The following ZNF106 variants were observed in gnomAD, a reference collection of about 807,000 sequenced individuals.
The protein encoded by ZNF106 is SH3-domain binding protein 3.
ZNF106 carries 67 observed loss-of-function variants against 195.1 expected under a neutral mutation model. The ratio of observed to expected loss-of-function variants is 0.34; its 90% CI spans 0.28 to 0.42. The LOEUF (loss-of-function observed/expected upper bound fraction) is 0.42, where lower values mean the gene tolerates loss of function less well. ZNF106 is among the 10% of genes least tolerant of loss of function. The probability of loss-of-function intolerance (pLI) is 1.00; values close to 1 mark genes in which losing one functional copy is unlikely to be tolerated. For missense variants in ZNF106, 2,118 were observed against 2,304.5 expected (o/e 0.92, Z 1.66); for synonymous variants, 784 against 818.6 (o/e 0.96, Z 0.72).
rs531079496 is a variant in ZNF106, at chr15:42,450,976, T to C, written c.1296A>G (p.Ile432Met). ...NSPTQKTQKE[I>M]HTGSLNHKAS... is the part of the protein sequence containing the mutation. ...CCTTGTGATTAAGAGATCCAGTATG[T>C]ATTTCTTTTTGTGTTTTCTGTGTTG... Residue 432 changes from isoleucine (I) to methionine (M), a missense_variant, in exon 5 of 22, where the codon ATA becomes ATG. By Grantham distance (10) the Ile-to-Met change is conservative (BLOSUM62 1). Transcript: ENST00000564754. 7.4e-6 allele frequency: 12 copies of C among 1,614,194 alleles called. No homozygotes were observed. The African/African-American group carries it at 1.6e-4, about 22-fold the overall frequency.
intron 3 of ZNF106, among the ~76,000 whole-genome samples, chr15:42,461,033 G>A (rs978472620): frequency 2.6e-5 from 4 of 151,864 alleles, no homozygotes; most frequent in Admixed American, 2.6e-4. Context: ...GGGTAATATG[G>A]TTACCTCCAC....
chr15:42,464,176 C>G (rs2056459176), intron 3 of ZNF106, among the ~76,000 whole-genome samples: 1 of 151,868 alleles, frequency 6.6e-6, no homozygotes, highest in African/African-American at 2.4e-5. Context: ...CCCGTCTCTA[C>G]TAAAATTACT....
intron 1 of ZNF106, among the ~76,000 whole-genome samples, chr15:42,473,007 G>GAA (rs1168170005): frequency 1.7e-3 from 154 of 88,366 alleles, no homozygotes; most frequent in African/African-American, 5.2e-3. Flanking sequence ...CTCCAACTTT[G>GAA]AAAAAAAAAA....
intron 1 of ZNF106, among the ~76,000 whole-genome samples, chr15:42,481,520 G>A (rs549203537): frequency 1.3e-5 from 2 of 151,848 alleles, no homozygotes; most frequent in East Asian, 3.9e-4. Context: ...AATCATGCCT[G>A]GCTAATTTTT....
intron 14 of ZNF106, 27 bp downstream of exon 14, chr15:42,435,357 A>G (rs2055233424): frequency 6.2e-7 from 1 of 1,613,860 alleles, no homozygotes; most frequent in Non-Finnish European, 8.5e-7. Flanking sequence ...AATATGAACC[A>G]CTTTGGATTT....
intron 1 of ZNF106, among the ~76,000 whole-genome samples, chr15:42,488,190 C>T (rs758201780): frequency 6.6e-6 from 1 of 152,112 alleles, no homozygotes; most frequent in Non-Finnish European, 1.5e-5. Flanking sequence ...TCCATGGATG[C>T]AGAACCCATG....
intron 3 of ZNF106, among the ~76,000 whole-genome samples, chr15:42,462,594 G>A (rs533341526): frequency 1.5e-4 from 23 of 152,110 alleles, no homozygotes; most frequent in African/African-American, 4.8e-4. Flanking sequence ...GTGAAACTCC[G>A]TCTCAATAAA....
At chr15:42,487,231 T>C (rs981571216) in intron 1 of ZNF106, among the ~76,000 whole-genome samples, 1 of 151,228 alleles carries the variant, frequency 6.6e-6, no homozygotes, top group Admixed American at 6.6e-5. Flanking sequence ...CTTATAATCC[T>C]AGCACTTTGG....
chr15:42,464,818 A>C (rs144167776), intron 3 of ZNF106, among the ~76,000 whole-genome samples: 400 of 152,242 alleles, frequency 2.6e-3, no homozygotes, highest in Non-Finnish European at 4.8e-3. Flanking sequence ...GGTGGAGATA[A>C]CTGAATCATA....
At chr15:42,489,711 C>T (rs1322216556) in intron 1 of ZNF106, among the ~76,000 whole-genome samples, 1 of 152,198 alleles carries the variant, frequency 6.6e-6, no homozygotes, top group Non-Finnish European at 1.5e-5. Context: ...ATGCTATTTA[C>T]AACAGTACTA....
At chr15:42,462,137 CT>C (rs1278924767) in intron 3 of ZNF106, among the ~76,000 whole-genome samples, 1 of 152,070 alleles carries the variant, frequency 6.6e-6, no homozygotes, top group African/African-American at 2.4e-5. Context: ...CTTTTAGTGC[CT>C]TTTTCCTAAT....
At chr15:42,458,566 G>T (rs916347878) in intron 3 of ZNF106, among the ~76,000 whole-genome samples, 2 of 151,980 alleles carry the variant, frequency 1.3e-5, no homozygotes, top group African/African-American at 4.8e-5. Flanking sequence ...AAATTAGCCT[G>T]GTGTGGTGGT....
In ZNF106 at chr15:42,424,954, T is replaced by C. The variant is rs919140147; in HGVS notation, c.5070A>G (p.Glu1690=). The change falls in exon 16 of 22, where the codon GAA becomes GAG. Residue 1690 remains glutamate, a synonymous_variant. Transcript: ENST00000564754. ...CCACGACCAGCAGTTTTCGGGCACC[T>C]TCCTGAGCTGTAGCAAGACAGCTGA... The part of the protein sequence containing the change: ...RAVSCLATAQ[E]GARKLLVVGS... 52 of 1,614,116 alleles carry C rather than the reference T, an allele frequency of 3.2e-5. No individual in the cohort carries two copies. Among genetic ancestry groups the C allele is most frequent in the Non-Finnish European group, 4.2e-5 (50 of 1,180,046 alleles).
At chr15:42,439,897 AATG>A (rs1294986701) in intron 10 of ZNF106, 84 bp from the exon 11 acceptor site, 3 of 1,363,966 alleles carry the variant, frequency 2.2e-6, no homozygotes, top group African/African-American at 2.9e-5. Flanking sequence ...CAAATATTTC[AATG>A]ATATGTTCAG....
At position 42,415,278 on chromosome 15, in the gene ZNF106, C is replaced by T. The variant is rs924352791; in HGVS notation, c.*2026G>A. 1.7e-5 allele frequency: 6 copies of T among 356,824 alleles called. No homozygotes were observed. The highest frequency in any genetic ancestry group is 2.8e-5 in the Non-Finnish European group (5 of 180,974). The allele number at this position is 356,824 out of a possible 1,614,324, so 22.1% of individuals were successfully genotyped here. On this transcript the variant is annotated 3_prime_UTR_variant, in exon 22 of 22. Transcript: ENST00000564754. ...CTGAGACTACAGGCACATACCACCACACCCAGCTAATTTTTGTATTTTTAA... is the reference window on the plus strand; with the variant it reads ...CTGAGACTACAGGCACATACCACCATACCCAGCTAATTTTTGTATTTTTAA...
chr15:42,425,397 G>T, intron 15 of ZNF106: 1 of 174,608 alleles, frequency 5.7e-6, no homozygotes, highest in Non-Finnish European at 1.2e-5. Context: ...CACCGACCCA[G>T]GAACTATTTC....
At chr15:42,457,853 C>T (rs943861312) in intron 3 of ZNF106, among the ~76,000 whole-genome samples, 2 of 152,190 alleles carry the variant, frequency 1.3e-5, no homozygotes, top group African/African-American at 4.8e-5. Flanking sequence ...GAAAATGCTA[C>T]AGTTGAGAGA....
Position 42,464,770 on chromosome 15 carries a change from T to C in ZNF106, c.116+1283A>G, listed in dbSNP as rs1005545428. ...CTGTGTCCCCACCCAAATCTCACCT[T>C]GAATTGCAATAATCCTCACATCTCA... On this transcript the variant is annotated intron_variant, in intron 3 of 21. Transcript: ENST00000564754. Among the ~76,000 whole-genome samples the C allele has an allele frequency of 3.3e-5, 5 of 152,072 alleles. No homozygotes were observed. The East Asian group carries it at 9.7e-4, about 29-fold the overall frequency.
At chr15:42,482,502 G>A (rs2056920103) in intron 1 of ZNF106, among the ~76,000 whole-genome samples, 1 of 149,442 alleles carries the variant, frequency 6.7e-6, no homozygotes, top group Admixed American at 6.7e-5. Context: ...CTGTCTCTTA[G>A]GCAGTAGATG....
Sources: allele counts gnomAD v4.1 joint callset (sites outside exome capture counted in the v4.1 genomes callset), GRCh38; gene constraint gnomAD v4.1.1; transcripts MANE v1.5; gene names NCBI Gene and HGNC (gene_info 2026-07-23, HGNC 2026-07-21).